PLD5: variants seen among roughly 807,000 people sequenced by gnomAD.
PLD5 encodes the protein inactive phospholipase D5.
Under a neutral mutation model 61.1 loss-of-function variants are expected in PLD5, and 36 were observed. That is an observed-to-expected ratio of 0.59 (90% confidence interval 0.45 to 0.78). The LOEUF (loss-of-function observed/expected upper bound fraction) is 0.78. Among genes scored for constraint, PLD5 ranks in the 30% least tolerant of loss-of-function variants. The probability of loss-of-function intolerance (pLI) is 0.00; values close to 1 mark genes in which losing one functional copy is unlikely to be tolerated. For synonymous variants in PLD5, 243 were observed against 242.8 expected, an observed-to-expected ratio of 1.00 and a Z score of -0.01; for missense variants, 515 against 644.4, an observed-to-expected ratio of 0.80 and a Z score of 2.17.
Position 242,484,228 on chromosome 1 carries a change from A to T in PLD5, c.189+39860T>A, listed in dbSNP as rs1362202044. On this transcript the variant is annotated intron_variant, in intron 1 of 9. Transcript: ENST00000536534. Reference sequence around the variant, plus strand: ...TAAGATCAGAGCAGAACTAAAGAAGATAGAGACACAAAAAACCCTTCAAAA... The same window carrying T: ...TAAGATCAGAGCAGAACTAAAGAAGTTAGAGACACAAAAAACCCTTCAAAA... 3.3e-5 allele frequency among the ~76,000 whole-genome samples: 5 copies of T among 152,316 alleles called. 1 individual carries two copies. Among genetic ancestry groups the T allele is most frequent in the Admixed American group, 1.3e-4 (2 of 15,294 alleles).
chr1:242,496,242 A>C (rs1432237844), intron 1 of PLD5, among the ~76,000 whole-genome samples: 2 of 152,232 alleles, frequency 1.3e-5, no homozygotes, highest in Non-Finnish European at 2.9e-5. Context: ...AGATAAAGCC[A>C]AGAAGAAAGG....
Position 242,089,596 on chromosome 1 carries a change from A to G in PLD5, c.*258T>C. ...AAGGAGCAGGAATGAAAGTCTTAAA[A>G]TTTGTATGCAAACGTAAAAACTAAC... is the stretch of plus-strand genomic sequence containing the variant. On this transcript the variant is annotated 3_prime_UTR_variant, in exon 10 of 10. Transcript: ENST00000536534. 1.8e-6 allele frequency: 1 copy of G among 551,706 alleles called. No individual in the cohort carries two copies. Among genetic ancestry groups the G allele is most frequent in the African/African-American group, 1.9e-5 (1 of 53,156 alleles). The allele number at this position is 551,706 out of a possible 1,614,324, so 34.2% of individuals were successfully genotyped here.
chr1:242,407,555 T>TG (rs373235486), intron 1 of PLD5, among the ~76,000 whole-genome samples: 32 of 117,464 alleles, frequency 2.7e-4, no homozygotes, highest in African/African-American at 1.2e-3. Flanking sequence ...TTGTTGTGGT[T>TG]GTTTTGTTTT....
At chr1:242,277,770 G>A (rs1674495279) in intron 3 of PLD5, among the ~76,000 whole-genome samples, 2 of 151,582 alleles carry the variant, frequency 1.3e-5, no homozygotes, top group Non-Finnish European at 2.9e-5. Flanking sequence ...ATCACTTAAG[G>A]CCGGGAGTTT....
At chr1:242,464,344 T>G (rs1309272695) in intron 1 of PLD5, among the ~76,000 whole-genome samples, 1 of 152,220 alleles carries the variant, frequency 6.6e-6, no homozygotes, top group African/African-American at 2.4e-5. Flanking sequence ...GCTACCTGGA[T>G]GTTTAGGAGG....
At chr1:242,245,151 C>A (rs1407772124) in intron 4 of PLD5, among the ~76,000 whole-genome samples, 1 of 152,016 alleles carries the variant, frequency 6.6e-6, no homozygotes, top group Non-Finnish European at 1.5e-5. Flanking sequence ...ATACTGACTT[C>A]TGTGGGTTAG....
chr1:242,430,373 C>T (rs1284160369), intron 1 of PLD5, among the ~76,000 whole-genome samples: 2 of 152,136 alleles, frequency 1.3e-5, no homozygotes, highest in African/African-American at 4.8e-5. Flanking sequence ...AGAAAAAGAG[C>T]TCTGGTCTCT....
chr1:242,284,517 C>T (rs1362532589), intron 3 of PLD5, among the ~76,000 whole-genome samples: 11 of 152,132 alleles, frequency 7.2e-5, no homozygotes, highest in African/African-American at 1.7e-4. Context: ...TTGTGCATAC[C>T]GCTCTAGGGG....
At chr1:242,248,018 C>T (rs1672489043) in intron 4 of PLD5, among the ~76,000 whole-genome samples, 1 of 152,152 alleles carries the variant, frequency 6.6e-6, no homozygotes, top group Non-Finnish European at 1.5e-5. Flanking sequence ...CTCGTAGCAC[C>T]TCTGGTCTTG....
chr1:242,269,368 G>A (rs1055072750), intron 3 of PLD5, among the ~76,000 whole-genome samples: 1 of 151,818 alleles, frequency 6.6e-6, no homozygotes, highest in East Asian at 1.9e-4. Context: ...TATGCAGGAA[G>A]CTGTACCCCC....
chr1:242,250,169 C>T (rs530526392), intron 4 of PLD5, among the ~76,000 whole-genome samples: 1 of 152,186 alleles, frequency 6.6e-6, no homozygotes, highest in Non-Finnish European at 1.5e-5. Flanking sequence ...ACGGTATACT[C>T]AGTGTTATAA....
At chr1:242,328,785 A>T (rs1658984990) in intron 2 of PLD5, among the ~76,000 whole-genome samples, 1 of 152,168 alleles carries the variant, frequency 6.6e-6, no homozygotes, top group Admixed American at 6.5e-5. Context: ...ATTTCTCCAG[A>T]ATCAACCTGC....
At chr1:242,203,933 C>G (rs57472530) in intron 5 of PLD5, among the ~76,000 whole-genome samples, 1,616 of 152,192 alleles carry the variant, frequency 0.011, 29 homozygotes, top group African/African-American at 0.037. Context: ...TTTAAGTCTT[C>G]TTTCTAAAAT....
chr1:242,319,046 G>T (rs1014730743), intron 2 of PLD5, among the ~76,000 whole-genome samples: 2 of 152,090 alleles, frequency 1.3e-5, no homozygotes, highest in African/African-American at 2.4e-5. Context: ...GGCAGGAGGG[G>T]CTCCAGAGAA....
rs1279348753 is a variant in PLD5 at position 242,295,371 on chromosome 1, G to C, written c.327-6841C>G. The stretch of plus-strand genomic sequence containing the variant: ...TGGATACCCATTGTTTAGCTCTCAC[G>C]TGTAAGTGAGAACATGCAGTATTCA... On this transcript the variant is annotated intron_variant, in intron 2 of 9. Transcript: ENST00000536534. Among the ~76,000 whole-genome samples, 6 of 152,104 alleles carry C rather than the reference G, an allele frequency of 3.9e-5. 1 individual carries two copies. In the South Asian group the frequency reaches 1.2e-3, roughly 31 times the overall value.
chr1:242,130,077 A>G (rs1179792293), intron 5 of PLD5, among the ~76,000 whole-genome samples: 4 of 145,750 alleles, frequency 2.7e-5, no homozygotes, highest in African/African-American at 1.0e-4. Flanking sequence ...TTTGAGATGG[A>G]GTCTCACTCT....
chr1:242,193,533 T>C (rs1180176923), intron 5 of PLD5, among the ~76,000 whole-genome samples: 1 of 152,222 alleles, frequency 6.6e-6, no homozygotes, highest in African/African-American at 2.4e-5. Flanking sequence ...ACTTCACAGT[T>C]TGACTACTTC....
chr1:242,301,407 A>C (rs532297903), intron 2 of PLD5, among the ~76,000 whole-genome samples: 1 of 152,308 alleles, frequency 6.6e-6, no homozygotes, highest in East Asian at 1.9e-4. Context: ...CCACTTTGGC[A>C]AAAGGATTAT....
At chr1:242,523,971 G>A in intron 1 of PLD5, 117 bp downstream of exon 1, 1 of 1,150,368 alleles carries the variant, frequency 8.7e-7, no homozygotes, top group South Asian at 1.6e-5. Context: ...GGACGTCGGC[G>A]CCTGCCAGGA....
Sources: allele counts gnomAD v4.1 joint callset (sites outside exome capture counted in the v4.1 genomes callset), GRCh38; gene constraint gnomAD v4.1.1; transcripts MANE v1.5; gene names NCBI Gene and HGNC (gene_info 2026-07-23, HGNC 2026-07-21).